The following FHIT variants were observed in gnomAD, a reference collection of about 807,000 sequenced individuals.
The protein encoded by FHIT is bis(5'-adenosyl)-triphosphatase.
In FHIT, 19 loss-of-function variants were observed where a neutral mutation model predicts 17.9. The ratio of observed to expected loss-of-function variants is 1.06; its 90% CI spans 0.74 to 1.56. FHIT has a LOEUF of 1.56. Among genes scored for constraint, FHIT ranks in the 40% most tolerant of loss-of-function variants. The pLI is 0.00. For missense variants in FHIT, 248 were observed against 189.2 expected, an observed-to-expected ratio of 1.31 and a Z score of -1.82; for synonymous variants, 81 against 69.7, an observed-to-expected ratio of 1.16 and a Z score of -0.81.
At chr3:60,759,352 T>A (rs562096508) in intron 4 of FHIT, among the ~76,000 whole-genome samples, 1 of 152,310 alleles carries the variant, frequency 6.6e-6, no homozygotes, top group Non-Finnish European at 1.5e-5. Flanking sequence ...ATATTTGATA[T>A]GCCATTTAAA....
intron 5 of FHIT, among the ~76,000 whole-genome samples, chr3:60,334,903 G>T (rs913073249): frequency 6.6e-6 from 1 of 152,278 alleles, no homozygotes; most frequent in Admixed American, 6.5e-5. Flanking sequence ...TCAAGAAATT[G>T]TATGGCTATA....
intron 3 of FHIT, among the ~76,000 whole-genome samples, chr3:60,854,410 C>T (rs1553749297): frequency 6.6e-6 from 1 of 152,098 alleles, no homozygotes. Flanking sequence ...AACAGCCCAA[C>T]AGTGATTTAA....
At chr3:60,396,957 G>A (rs1263850058) in intron 5 of FHIT, among the ~76,000 whole-genome samples, 1 of 152,112 alleles carries the variant, frequency 6.6e-6, no homozygotes, top group Non-Finnish European at 1.5e-5. Flanking sequence ...GGGAGGATGT[G>A]GGAAGGGGCT....
chr3:61,138,308 TGATCACCAG>T (rs1441973714), intron 2 of FHIT, among the ~76,000 whole-genome samples: 1 of 152,184 alleles, frequency 6.6e-6, no homozygotes, highest in Non-Finnish European at 1.5e-5. Context: ...GTTAAAAACC[TGATCACCAG>T]GGCCCATCCT....
chr3:60,689,365 T>A (rs565632304), intron 4 of FHIT, among the ~76,000 whole-genome samples: 4 of 152,342 alleles, frequency 2.6e-5, no homozygotes, highest in African/African-American at 9.6e-5. Flanking sequence ...TACAGACATT[T>A]TATTGTCATT....
intron 3 of FHIT, among the ~76,000 whole-genome samples, chr3:60,884,389 G>T (rs1389935556): frequency 6.6e-6 from 1 of 151,964 alleles, no homozygotes; most frequent in Non-Finnish European, 1.5e-5. Context: ...AGGAAATCAG[G>T]ATATTGAAGA....
intron 5 of FHIT, among the ~76,000 whole-genome samples, chr3:60,195,176 AAAAC>A (rs1295428280): frequency 4.3e-4 from 65 of 152,018 alleles, no homozygotes; most frequent in Non-Finnish European, 2.9e-5. Flanking sequence ...CAAAAAAACA[AAAAC>A]AAACAACCAA....
intron 8 of FHIT, among the ~76,000 whole-genome samples, chr3:59,769,452 A>G (rs1455048801): frequency 1.3e-5 from 2 of 152,264 alleles, no homozygotes; most frequent in African/African-American, 4.8e-5. Context: ...GTTCCTTCTC[A>G]TTGTGTGCAC....
chr3:60,236,307 T>C (rs13082004), intron 5 of FHIT, among the ~76,000 whole-genome samples: 20,801 of 148,698 alleles, frequency 0.14, 1,894 homozygotes, highest in East Asian at 0.28. Flanking sequence ...AAAGATAGCA[T>C]CTCATTTGGG....
At chr3:59,943,877 A>G (rs1706661620) in intron 7 of FHIT, among the ~76,000 whole-genome samples, 1 of 152,192 alleles carries the variant, frequency 6.6e-6, no homozygotes, top group African/African-American at 2.4e-5. Context: ...ACTGACTGCT[A>G]CCTGGAGCAA....
chr3:60,890,020 A>G (rs1553760290), intron 3 of FHIT, among the ~76,000 whole-genome samples: 2 of 152,136 alleles, frequency 1.3e-5, no homozygotes, highest in African/African-American at 4.8e-5. Context: ...TGAACATCCA[A>G]ATAAAACTGT....
chr3:60,622,921 G>A (rs1337554275), intron 4 of FHIT, among the ~76,000 whole-genome samples: 1 of 152,188 alleles, frequency 6.6e-6, no homozygotes, highest in Admixed American at 6.5e-5. Context: ...AACCAGGCAG[G>A]GATCCAACAT....
chr3:60,482,469 A>T (rs756655287), intron 5 of FHIT, among the ~76,000 whole-genome samples: 1 of 152,122 alleles, frequency 6.6e-6, no homozygotes, highest in Non-Finnish European at 1.5e-5. Flanking sequence ...AACTGAAATC[A>T]TAACAGTCTC....
At chr3:60,289,027 A>G (rs1236018593) in intron 5 of FHIT, among the ~76,000 whole-genome samples, 2 of 152,196 alleles carry the variant, frequency 1.3e-5, no homozygotes, top group African/African-American at 4.8e-5. Context: ...GTAAGTGAAG[A>G]TATCATTTTT....
At chr3:60,619,431 G>A (rs2107749119) in intron 4 of FHIT, among the ~76,000 whole-genome samples, 1 of 152,064 alleles carries the variant, frequency 6.6e-6, no homozygotes, top group South Asian at 2.1e-4. Flanking sequence ...TAAATGAGAA[G>A]AACAAAGTAG....
At chr3:61,154,163 C>T (rs1010683989) in intron 2 of FHIT, among the ~76,000 whole-genome samples, 1 of 152,166 alleles carries the variant, frequency 6.6e-6, no homozygotes, top group Non-Finnish European at 1.5e-5. Flanking sequence ...CAGGCTCGCA[C>T]GTGGCAGATT....
chr3:60,093,558 G>A (rs961270029), intron 5 of FHIT, among the ~76,000 whole-genome samples: 1 of 152,162 alleles, frequency 6.6e-6, no homozygotes, highest in African/African-American at 2.4e-5. Context: ...GTCTTTGGTA[G>A]GAGGGGGGTA....
intron 5 of FHIT, among the ~76,000 whole-genome samples, chr3:60,042,816 A>G (rs1216201019): frequency 6.6e-6 from 1 of 152,194 alleles, no homozygotes; most frequent in East Asian, 1.9e-4. Flanking sequence ...GTAACCAAAC[A>G]TAAAAACTTT....
chr3:60,733,892 A>G (rs2042082417), intron 4 of FHIT, among the ~76,000 whole-genome samples: 1 of 152,176 alleles, frequency 6.6e-6, no homozygotes. Context: ...AGAAGTTTTT[A>G]TTCTATACTT....
Sources: gnomAD v4.1 joint callset for allele counts (sites outside exome capture counted in the v4.1 genomes callset) on GRCh38, gnomAD v4.1.1 for gene constraint, MANE v1.5 for transcripts, NCBI Gene and HGNC (gene_info 2026-07-23, HGNC 2026-07-21) for gene names.